Variants in KCNJ5 observed in about 807,000 individuals in gnomAD.
The protein encoded by KCNJ5 is potassium inwardly rectifying channel subfamily J member 5.
A neutral mutation model predicts 20.2 loss-of-function variants in KCNJ5; 12 were observed. That is an observed-to-expected ratio of 0.59 (90% CI 0.38 to 0.96). KCNJ5 has a LOEUF of 0.96. KCNJ5 is among the 40% of genes least tolerant of loss of function. KCNJ5 has a pLI of 0.00. For missense variants in KCNJ5, 449 were observed against 557.6 expected (o/e 0.81, Z 1.96); for synonymous variants, 210 against 213.9 (o/e 0.98, Z 0.16).
intron 1 of KCNJ5, among the ~76,000 whole-genome samples, chr11:128,894,926 C>T (rs1418124088): frequency 6.6e-6 from 1 of 152,212 alleles, no homozygotes; most frequent in Non-Finnish European, 1.5e-5. Flanking sequence ...CCCTGGAGAT[C>T]CTGGCTAGTG....
At chr11:128,916,345 G>C in intron 2 of KCNJ5, 64 bp from the exon 3 acceptor site, 20 of 1,226,218 alleles carry the variant, frequency 1.6e-5, no homozygotes, top group Non-Finnish European at 2.4e-5. Flanking sequence ...TGGATGAATG[G>C]ATGAATGGAT....
Position 128,911,342 on chromosome 11 carries a change from G to C in KCNJ5, c.69G>C (p.Lys23Asn), listed in dbSNP as rs776463303. The change falls in exon 2 of 3, where the codon AAG (lysine) becomes AAC (asparagine). Residue 23 changes from lysine (K) to asparagine (N), a missense_variant. Around this residue, in one of 5 missense-constraint regions of KCNJ5, gnomAD observed 203 missense variants for 258.0 expected, o/e 0.79. Transcript: ENST00000529694. The surrounding 1 kb of genome is among the most constrained non-coding windows in gnomAD (Gnocchi z 6.3). Reference protein sequence around the residue: ...MEIGVTPWDPKKIPKQARDYV... With the variant: ...MEIGVTPWDPNKIPKQARDYV... ...TTGGAGTCACTCCCTGGGACCCCAAGAAGATTCCAAAACAGGCCCGCGATT... is the reference window on the plus strand; with the variant it reads ...TTGGAGTCACTCCCTGGGACCCCAACAAGATTCCAAAACAGGCCCGCGATT... 1 of 1,614,066 alleles carries C rather than the reference G, an allele frequency of 6.2e-7. No homozygotes were observed.
At chr11:128,900,925 A>G (rs988959907) in intron 1 of KCNJ5, 19 of 152,350 alleles carry the variant, frequency 1.2e-4, no homozygotes, top group African/African-American at 4.6e-4. Flanking sequence ...AACCTATACC[A>G]ATCCAATCCA....
chr11:128,913,198 C>G (rs746081946), intron 2 of KCNJ5, among the ~76,000 whole-genome samples: 1 of 152,212 alleles, frequency 6.6e-6, no homozygotes, highest in African/African-American at 2.4e-5. Flanking sequence ...TGTGGCTGGG[C>G]TCCCTCTGGG....
intron 1 of KCNJ5, chr11:128,900,225 C>T (rs1944252255): frequency 6.6e-6 from 1 of 152,184 alleles, no homozygotes; most frequent in Non-Finnish European, 1.5e-5. Context: ...ACTCCCCAAG[C>T]AAAATGCCAG....
intron 1 of KCNJ5, among the ~76,000 whole-genome samples, chr11:128,892,578 T>C (rs1944111945): frequency 6.6e-6 from 1 of 152,228 alleles, no homozygotes; most frequent in Non-Finnish European, 1.5e-5. Flanking sequence ...TATTTTACTC[T>C]GTTTCAATCC....
intron 1 of KCNJ5, among the ~76,000 whole-genome samples, chr11:128,898,439 A>G (rs1056964271): frequency 6.6e-6 from 1 of 152,266 alleles, no homozygotes; most frequent in Non-Finnish European, 1.5e-5. Flanking sequence ...AAATGTGTCT[A>G]ATAACACCTA....
At chr11:128,898,556 T>C (rs1193035046) in intron 1 of KCNJ5, among the ~76,000 whole-genome samples, 1 of 152,268 alleles carries the variant, frequency 6.6e-6, no homozygotes, top group Admixed American at 6.5e-5. Flanking sequence ...TGTTCTTTGT[T>C]TCCTCCTCCT....
intron 1 of KCNJ5, among the ~76,000 whole-genome samples, chr11:128,898,031 A>G (rs1443479038): frequency 2.0e-5 from 3 of 152,238 alleles, no homozygotes; most frequent in Admixed American, 6.5e-5. Context: ...CCAATACCAC[A>G]TAGTCTGGAG....
chr11:128,918,347 G>C lies in KCNJ5; in HGVS notation c.*1616G>C, dbSNP rs561240303. 1 of 152,360 alleles carries C rather than the reference G, an allele frequency of 6.6e-6. No individual in the cohort carries two copies. The highest frequency in any genetic ancestry group is 6.5e-5 in the Admixed American group (1 of 15,308). 9.4% of individuals were successfully genotyped at this position (152,360 alleles called of 1,614,324 possible). A position where few individuals can be genotyped will look rare whatever the true frequency, so the allele number is the denominator to read the frequency against. Reference sequence around the variant, plus strand: ...CAGGGTGAGTGTTAAGAAAAAAAGAGTAGAGAAGAGCCTGAAAATCAGCAA... The same window carrying C: ...CAGGGTGAGTGTTAAGAAAAAAAGACTAGAGAAGAGCCTGAAAATCAGCAA... On this transcript the variant is annotated 3_prime_UTR_variant, in exon 3 of 3. Coordinates refer to ENST00000529694, the MANE Select transcript of KCNJ5 (RefSeq NM_000890.5).
rs1253531265 is a variant in KCNJ5 at position 128,911,441 on chromosome 11, G to C, written c.168G>C (p.Lys56Asn). Residue 56 changes from lysine to asparagine, a missense_variant, in exon 2 of 3, where the codon AAG (lysine) becomes AAC (asparagine). Transcript: ENST00000529694. The surrounding 1 kb of genome is among the most constrained non-coding windows in gnomAD (Gnocchi z 6.3). ...AGCCACGCCAGCGCTACATGGAGAA[G>C]AGTGGCAAGTGCAACGTGCACCACG... Reference protein sequence around the residue: ...GKKPRQRYMEKSGKCNVHHGN... With the variant: ...GKKPRQRYMENSGKCNVHHGN... 1 of 1,614,250 alleles carries C rather than the reference G, an allele frequency of 6.2e-7. No individual in the cohort carries two copies.
At chr11:128,902,553 A>G in intron 1 of KCNJ5, 3 of 1,596,308 alleles carry the variant, frequency 1.9e-6, no homozygotes, top group Non-Finnish European at 2.6e-6. Flanking sequence ...GCAAGGAGAC[A>G]GGGCTAGTTA....
At chr11:128,910,757 C>T (rs1478234781) in intron 1 of KCNJ5, among the ~76,000 whole-genome samples, 1 of 152,076 alleles carries the variant, frequency 6.6e-6, no homozygotes, top group Admixed American at 6.6e-5. Context: ...AAACTTATGC[C>T]CCTGTGGAGC....
intron 1 of KCNJ5, among the ~76,000 whole-genome samples, chr11:128,897,241 G>A (rs1944192607): frequency 1.3e-5 from 2 of 151,836 alleles, no homozygotes; most frequent in Non-Finnish European, 2.9e-5. Context: ...GGGACTACAG[G>A]TGCGTGCCAC....
intron 1 of KCNJ5, chr11:128,904,754 C>CTCT (rs745822846): frequency 5.5e-5 from 27 of 489,244 alleles, no homozygotes; most frequent in Non-Finnish European, 9.0e-5. Flanking sequence ...AGTGGGGGTT[C>CTCT]GCTGACTAAT....
At chr11:128,895,401 G>A (rs1944161160) in intron 1 of KCNJ5, among the ~76,000 whole-genome samples, 1 of 120,432 alleles carries the variant, frequency 8.3e-6, no homozygotes, top group South Asian at 2.7e-4. Flanking sequence ...CCAACCCCAG[G>A]GATGACTGCA....
At chr11:128,891,970 C>G (rs1258333791) in intron 1 of KCNJ5, among the ~76,000 whole-genome samples, 1 of 152,244 alleles carries the variant, frequency 6.6e-6, no homozygotes, top group Non-Finnish European at 1.5e-5. Flanking sequence ...GGCACTAGAC[C>G]AGGGCTACCT....
rs1324729466 is a variant in KCNJ5 at position 128,912,194 on chromosome 11, G to A, written c.921G>A (p.Gly307=). The A allele has an allele frequency of 1.2e-6, 2 of 1,603,126 alleles. No individual in the cohort carries two copies. Among genetic ancestry groups the A allele is most frequent in the East Asian group, 4.5e-5 (2 of 44,880 alleles). The change falls in exon 2 of 3, where the codon GGG becomes GGA. Residue 307 remains glycine, a synonymous_variant. Transcript: ENST00000529694. The stretch of plus-strand genomic sequence containing the variant: ...TTGAAGTTGTGGTCATTCTAGAAGG[G>A]ATGGTGGAAGCCACAGGTAAGGCGC... ...EEFEVVVILE[G]MVEATGMTCQ...
At chr11:128,908,067 A>G (rs971530829) in intron 1 of KCNJ5, among the ~76,000 whole-genome samples, 2 of 152,240 alleles carry the variant, frequency 1.3e-5, no homozygotes, top group Admixed American at 6.5e-5. Context: ...CTTAAAAGAA[A>G]TCTAAACAGT....
Sources: gnomAD v4.1 joint callset for allele counts (sites outside exome capture counted in the v4.1 genomes callset) on GRCh38, gnomAD v4.1.1 for gene constraint, gnomAD v4.1.1 regional missense constraint, Gnocchi (gnomAD v3.1) non-coding constraint, MANE v1.5 for transcripts, NCBI Gene and HGNC (gene_info 2026-07-23, HGNC 2026-07-21) for gene names.